The following ACTR3C variants were observed in gnomAD, a reference collection of about 807,000 sequenced individuals.
ACTR3C encodes actin related protein 3C.
A neutral mutation model predicts 26.3 loss-of-function variants in ACTR3C; 18 were observed. The observed-to-expected ratio is 0.68, with a 90% CI of 0.47 to 1.01. The LOEUF (loss-of-function observed/expected upper bound fraction) is 1.01. Ranked by LOEUF, ACTR3C falls within the 50% of genes least tolerant of loss-of-function variation. The pLI is 0.00. For synonymous variants in ACTR3C, 55 were observed against 94.5 expected, an observed-to-expected ratio of 0.58 and a Z score of 2.42; for missense variants, 184 against 250.7, an observed-to-expected ratio of 0.73 and a Z score of 1.80.
the ACTR3C span, among the ~76,000 whole-genome samples, chr7:149,997,516 C>G: frequency 5.9e-5 from 9 of 152,110 alleles, no homozygotes; most frequent in East Asian, 1.9e-4. Context: ...TGGAATATAT[C>G]TGGCATTCAA....
At chr7:149,904,520 G>C in the ACTR3C span, among the ~76,000 whole-genome samples, 1 of 115,728 alleles carries the variant, frequency 8.6e-6, no homozygotes, top group Non-Finnish European at 2.0e-5. Context: ...AACAGAGCAA[G>C]ACTCCATCTC....
At chr7:150,278,766 GA>G (rs1246948810) in intron 6 of ACTR3C, among the ~76,000 whole-genome samples, 5 of 152,330 alleles carry the variant, frequency 3.3e-5, no homozygotes, top group Middle Eastern at 3.4e-3. Context: ...GCATCAAATA[GA>G]AGTTATGAGG....
the ACTR3C span, among the ~76,000 whole-genome samples, chr7:149,970,417 G>T: frequency 1.3e-5 from 2 of 151,924 alleles, no homozygotes; most frequent in African/African-American, 4.8e-5. Flanking sequence ...CAGGCTCCTG[G>T]TCTCTCCTTG....
chr7:150,188,151 A>C, the ACTR3C span, among the ~76,000 whole-genome samples: 1 of 152,120 alleles, frequency 6.6e-6, no homozygotes, highest in Non-Finnish European at 1.5e-5. Context: ...AAAATGTAAG[A>C]TCTGATCTTT....
At chr7:150,205,479 G>T in the ACTR3C span, among the ~76,000 whole-genome samples, 5 of 152,156 alleles carry the variant, frequency 3.3e-5, no homozygotes, top group Admixed American at 3.3e-4. Flanking sequence ...GCACCTCTGC[G>T]CAATGTTACA....
intron 3 of ACTR3C, among the ~76,000 whole-genome samples, chr7:150,291,205 C>T (rs1432790296): frequency 1.3e-5 from 2 of 152,156 alleles, no homozygotes; most frequent in African/African-American, 4.8e-5. Flanking sequence ...CCAAGACAGG[C>T]GGATCACCTG....
chr7:149,992,215 TACC>T, the ACTR3C span, among the ~76,000 whole-genome samples: 3 of 152,228 alleles, frequency 2.0e-5, no homozygotes, highest in South Asian at 2.1e-4. Flanking sequence ...CCTGAGAAAA[TACC>T]ACGTGTCCCA....
the ACTR3C span, among the ~76,000 whole-genome samples, chr7:150,163,375 T>G: frequency 2.2e-5 from 3 of 135,468 alleles, no homozygotes; most frequent in East Asian, 6.3e-4. Flanking sequence ...TATATATATA[T>G]ATGTGTGTAT....
downstream of ACTR3C, chr7:150,244,115 T>C (rs1832337501): frequency 7.1e-6 from 1 of 141,336 alleles, no homozygotes. Context: ...GAATATTGAA[T>C]ATTCAATATA....
chr7:150,034,635 C>T, the ACTR3C span, among the ~76,000 whole-genome samples: 3 of 150,470 alleles, frequency 2.0e-5, no homozygotes, highest in Non-Finnish European at 3.0e-5. Context: ...TCCCGAGCTG[C>T]CTTCGGACCC....
chr7:150,101,282 A>G, the ACTR3C span, among the ~76,000 whole-genome samples: 1 of 151,728 alleles, frequency 6.6e-6, no homozygotes, highest in Admixed American at 6.6e-5. Context: ...GAGAAATAAG[A>G]TATGAGAAAC....
chr7:150,133,772 C>T, the ACTR3C span, among the ~76,000 whole-genome samples: 2 of 152,064 alleles, frequency 1.3e-5, no homozygotes, highest in African/African-American at 4.8e-5. Context: ...GGGTCTTGCC[C>T]TGTCACTCAG....
At chr7:150,129,292 T>A in the ACTR3C span, among the ~76,000 whole-genome samples, 14,630 of 121,344 alleles carry the variant, frequency 0.12, 75 homozygotes, top group East Asian at 0.17. Context: ...TACTGAATGG[T>A]TGAATACTGA....
chr7:150,291,127 C>A (rs1474062113), intron 3 of ACTR3C, among the ~76,000 whole-genome samples: 1 of 151,706 alleles, frequency 6.6e-6, no homozygotes, highest in Non-Finnish European at 1.5e-5. Context: ...CGTGCACACA[C>A]GTGTCTTAGA....
the ACTR3C span, among the ~76,000 whole-genome samples, chr7:150,038,782 C>G: frequency 2.3e-4 from 33 of 144,528 alleles, 2 homozygotes; most frequent in Non-Finnish European, 3.2e-4. Context: ...GGGTCTGGCT[C>G]TCAGTCCCCG....
intron 6 of ACTR3C, among the ~76,000 whole-genome samples, chr7:150,250,202 CTTTTT>C (rs1192764981): frequency 0.02 from 2,496 of 125,484 alleles, 211 homozygotes; most frequent in African/African-American, 0.081. Context: ...CAGAATCTGA[CTTTTT>C]TTTTTTTTTT....
chr7:150,023,338 C>G, the ACTR3C span, among the ~76,000 whole-genome samples: 1,863 of 45,494 alleles, frequency 0.041, 150 homozygotes, highest in Middle Eastern at 0.059. Context: ...TACATACATA[C>G]ATATATATTT....
chr7:150,248,141 C>G (rs1176129041), intron 7 of ACTR3C: 1 of 152,248 alleles, frequency 6.6e-6, no homozygotes, highest in East Asian at 1.9e-4. Flanking sequence ...CACCCTAGCT[C>G]CTGTCCCAGG....
intron 2 of ACTR3C, 139 bp downstream of exon 2, chr7:150,295,113 T>A (rs1836624849): frequency 3.9e-6 from 4 of 1,022,666 alleles, no homozygotes; most frequent in African/African-American, 1.7e-5. Context: ...TAGTCCTGAA[T>A]GGCATGGGGA....
Sources: allele counts gnomAD v4.1 joint callset (sites outside exome capture counted in the v4.1 genomes callset), GRCh38; gene constraint gnomAD v4.1.1; transcripts MANE v1.5; gene names NCBI Gene and HGNC (gene_info 2026-07-23, HGNC 2026-07-21).